Variants in KIF26B observed in about 807,000 individuals in gnomAD.
KIF26B encodes the protein kinesin-like protein KIF26B.
A neutral mutation model predicts 151.2 loss-of-function variants in KIF26B; 63 were observed. That is an observed-to-expected ratio of 0.42 (90% CI 0.34 to 0.51). The LOEUF (loss-of-function observed/expected upper bound fraction) is 0.51, where lower values mean the gene tolerates loss of function less well. Ranked by LOEUF, KIF26B falls within the 20% of genes least tolerant of loss-of-function variation. The pLI, the probability that KIF26B is intolerant of heterozygous loss-of-function variation, is 0.07. For synonymous variants in KIF26B, 1,357 were observed against 1,262.1 expected, an observed-to-expected ratio of 1.08 and a Z score of -1.59; for missense variants, 2,813 against 2,913.6, an observed-to-expected ratio of 0.97 and a Z score of 0.79.
At chr1:245,426,308 G>T (rs1383060932) in intron 4 of KIF26B, among the ~76,000 whole-genome samples, 1 of 151,464 alleles carries the variant, frequency 6.6e-6, no homozygotes, top group African/African-American at 2.4e-5. Context: ...GTCTCTCCTG[G>T]GTCTGGAATT....
intron 4 of KIF26B, among the ~76,000 whole-genome samples, chr1:245,425,733 C>T (rs1169700569): frequency 6.6e-6 from 1 of 152,180 alleles, no homozygotes; most frequent in East Asian, 1.9e-4. Context: ...AGAAAATTAG[C>T]TTCTGTAGAA....
At chr1:245,589,447 A>AC (rs1341725174) in intron 5 of KIF26B, among the ~76,000 whole-genome samples, 1 of 151,830 alleles carries the variant, frequency 6.6e-6, no homozygotes, top group Non-Finnish European at 1.5e-5. Context: ...TGATGCTGTC[A>AC]CCCCTAGCTC....
intron 5 of KIF26B, among the ~76,000 whole-genome samples, chr1:245,562,892 G>A (rs966401580): frequency 6.6e-6 from 1 of 151,800 alleles, no homozygotes; most frequent in Non-Finnish European, 1.5e-5. Context: ...GTTATTCTTT[G>A]TAAGAGATGG....
At chr1:245,417,343 G>A (rs1674445999) in intron 3 of KIF26B, among the ~76,000 whole-genome samples, 2 of 151,992 alleles carry the variant, frequency 1.3e-5, no homozygotes, top group Non-Finnish European at 2.9e-5. Context: ...TTAAAGGAAG[G>A]AGGTAGGTGC....
chr1:245,455,618 G>T (rs1387839), intron 4 of KIF26B, among the ~76,000 whole-genome samples: 36,335 of 152,138 alleles, frequency 0.24, 4,490 homozygotes, highest in East Asian at 0.31. Context: ...AGAAATAAAA[G>T]CTCTCTTTAG....
intron 9 of KIF26B, among the ~76,000 whole-genome samples, chr1:245,627,693 C>T (rs113557213): frequency 6.6e-6 from 1 of 151,490 alleles, no homozygotes; most frequent in Non-Finnish European, 1.5e-5. Flanking sequence ...AATCCAGGAG[C>T]CAGTTTTTTG....
At position 245,540,747 on chromosome 1, in the gene KIF26B, T is replaced by C; in HGVS notation, c.1167-20T>C. 6.2e-7 allele frequency: 1 copy of C among 1,606,144 alleles called. No homozygotes were observed. The highest frequency in any genetic ancestry group is 8.5e-7 in the Non-Finnish European group (1 of 1,172,800). ...GATCGTACAATCATTTTCCCCTTAT[T>C]GTTCCTTTTTCCACTCCAGAGCTGC... On this transcript the variant is annotated intron_variant, in intron 4 of 14. Coordinates refer to ENST00000407071, the MANE Select transcript of KIF26B (RefSeq NM_018012.4). The surrounding 1 kb of genome is among the most constrained non-coding windows in gnomAD (Gnocchi z 4.6).
chr1:245,184,069 TGAG>T (rs1668960180), intron 2 of KIF26B, among the ~76,000 whole-genome samples: 22 of 133,860 alleles, frequency 1.6e-4, no homozygotes, highest in Non-Finnish European at 2.9e-4. Context: ...TTTTTTTTTT[TGAG>T]CTTTCTTAAG....
chr1:245,159,864 A>T (rs1668505014), intron 2 of KIF26B, among the ~76,000 whole-genome samples: 1 of 152,114 alleles, frequency 6.6e-6, no homozygotes. Context: ...CCAATGGAGG[A>T]TAGGGCTTCA....
intron 2 of KIF26B, among the ~76,000 whole-genome samples, chr1:245,230,780 C>T (rs183556540): frequency 2.2e-4 from 33 of 149,322 alleles, no homozygotes; most frequent in Admixed American, 1.4e-3. Flanking sequence ...AAAAAGAAAA[C>T]GAAGGAAGGA....
chr1:245,289,090 T>C (rs1671212637), intron 2 of KIF26B, among the ~76,000 whole-genome samples: 1 of 152,228 alleles, frequency 6.6e-6, no homozygotes, highest in Non-Finnish European at 1.5e-5. Context: ...GCTGTTAGAT[T>C]TGATGACTAA....
intron 2 of KIF26B, among the ~76,000 whole-genome samples, chr1:245,186,715 G>A (rs1339848356): frequency 6.6e-6 from 1 of 152,188 alleles, no homozygotes; most frequent in African/African-American, 2.4e-5. Context: ...CTTTCAGACA[G>A]AATCAAATGA....
chr1:245,494,515 C>T (rs1000103244), intron 4 of KIF26B, among the ~76,000 whole-genome samples: 10 of 151,938 alleles, frequency 6.6e-5, no homozygotes, highest in Middle Eastern at 3.2e-3. Flanking sequence ...GAGGACTGGG[C>T]GAACGATCAC....
chr1:245,477,835 T>C (rs1351869298), intron 4 of KIF26B, among the ~76,000 whole-genome samples: 3 of 151,770 alleles, frequency 2.0e-5, no homozygotes, highest in African/African-American at 7.2e-5. Context: ...TGTAAGTACT[T>C]GGCCTTTTTA....
chr1:245,473,240 C>T lies in KIF26B; in HGVS notation c.1166+53495C>T, dbSNP rs144488909. On this transcript the variant is annotated intron_variant, in intron 4 of 14. Coordinates refer to ENST00000407071, the MANE Select transcript of KIF26B (RefSeq NM_018012.4). The stretch of plus-strand genomic sequence containing the variant: ...CCTCTGACCAAAGGTTAGCTGCAAA[C>T]GCCTTTGTTTTGGAGGGCTAGTATG... 1.5e-3 allele frequency among the ~76,000 whole-genome samples: 226 copies of T among 152,316 alleles called. 2 individuals carry two copies. The highest frequency in any genetic ancestry group is 5.2e-3 in the African/African-American group (217 of 41,574).
At chr1:245,407,241 G>A (rs919365557) in intron 3 of KIF26B, among the ~76,000 whole-genome samples, 2 of 152,144 alleles carry the variant, frequency 1.3e-5, no homozygotes. Context: ...ACCGGGGCAG[G>A]GTGGGGCCCT....
At chr1:245,504,373 T>G (rs1374274231) in intron 4 of KIF26B, among the ~76,000 whole-genome samples, 1 of 76,844 alleles carries the variant, frequency 1.3e-5, no homozygotes, top group Non-Finnish European at 2.7e-5. Flanking sequence ...TCTTTCTCCC[T>G]CCCTCCTTCC....
chr1:245,164,965 C>T (rs947253551), intron 2 of KIF26B, among the ~76,000 whole-genome samples: 1 of 152,058 alleles, frequency 6.6e-6, no homozygotes, highest in East Asian at 1.9e-4. Context: ...CTCAGCTACT[C>T]GGGGCTGAGG....
chr1:245,168,428 A>G (rs2103520952), intron 2 of KIF26B, among the ~76,000 whole-genome samples: 1 of 152,346 alleles, frequency 6.6e-6, no homozygotes, highest in South Asian at 2.1e-4. Context: ...TTTACTGTCT[A>G]ATGTGTTTCT....
Sources: allele counts gnomAD v4.1 joint callset (sites outside exome capture counted in the v4.1 genomes callset), GRCh38; gene constraint gnomAD v4.1.1; non-coding constraint Gnocchi (gnomAD v3.1); transcripts MANE v1.5; gene names NCBI Gene and HGNC (gene_info 2026-07-23, HGNC 2026-07-21).